Variants in TCERG1 observed in about 807,000 individuals in gnomAD.
TCERG1 encodes TATA box binding protein (TBP)-associated factor, RNA polymerase II, S, 150kD.
Under a neutral mutation model 144.7 loss-of-function variants are expected in TCERG1, and 37 were observed. That is an observed-to-expected ratio of 0.26 (90% CI 0.20 to 0.34). TCERG1 has a LOEUF of 0.34. Among genes scored for constraint, TCERG1 ranks in the 10% least tolerant of loss-of-function variants. The pLI, the probability that TCERG1 is intolerant of heterozygous loss-of-function variation, is 1.00. For missense variants in TCERG1, 1,027 were observed against 1,380.7 expected (o/e 0.74, Z 4.06); for synonymous variants, 492 against 458.2 (o/e 1.07, Z -0.94).
At chr5:146,493,106 TA>T (rs1269294153) in intron 16 of TCERG1, 68 bp downstream of exon 16, 50 of 1,174,974 alleles carry the variant, frequency 4.3e-5, no homozygotes, top group Non-Finnish European at 5.7e-5. Flanking sequence ...TTTTAAAAAT[TA>T]AAAAAATAGA....
At chr5:146,498,383 T>C (rs971892312) in intron 16 of TCERG1, among the ~76,000 whole-genome samples, 153 bp from the exon 17 acceptor site, 1 of 152,138 alleles carries the variant, frequency 6.6e-6, no homozygotes, top group Non-Finnish European at 1.5e-5. Flanking sequence ...CTCTTTTTAC[T>C]CCTTTCTGAA....
At chr5:146,466,161 G>A (rs1279096705) in intron 5 of TCERG1, among the ~76,000 whole-genome samples, 1 of 152,036 alleles carries the variant, frequency 6.6e-6, no homozygotes, top group East Asian at 1.9e-4. Context: ...CAAGGACAAA[G>A]AAGACTTGTT....
In TCERG1 at chr5:146,458,955, A is replaced by G. The variant is rs1763070767; in HGVS notation, c.510A>G (p.Gln170=). The G allele has an allele frequency of 1.2e-6, 2 of 1,614,246 alleles. No homozygotes were observed. The highest frequency in any genetic ancestry group is 8.5e-7 in the Non-Finnish European group (1 of 1,180,040). ...CAGATGGAGTTAAGGTTATTCAGCAATCAGAACTGACACCTATGCTTGCAG... is the reference window on the plus strand; with the variant it reads ...CAGATGGAGTTAAGGTTATTCAGCAGTCAGAACTGACACCTATGCTTGCAG... The part of the protein sequence containing the change: ...TKPDGVKVIQ[Q]SELTPMLAAQ... The change falls in exon 4 of 23, where the codon CAA becomes CAG. Residue 170 remains glutamine (Q), a synonymous_variant. Transcript: ENST00000679501.
chr5:146,510,318 T>TAAAAAAAA, intron 22 of TCERG1, 123 bp from the exon 23 acceptor site: 3 of 550,766 alleles, frequency 5.4e-6, no homozygotes, highest in East Asian at 3.6e-5. Context: ...AAATTTTTCT[T>TAAAAAAAA]AAAAAAAAAA....
intron 8 of TCERG1, among the ~76,000 whole-genome samples, 161 bp from the exon 9 acceptor site, chr5:146,471,327 G>T (rs1581443799): frequency 1.3e-5 from 2 of 152,306 alleles, no homozygotes; most frequent in South Asian, 2.1e-4. Flanking sequence ...AGCTCTTTCT[G>T]GGGGATGAGG....
chr5:146,492,627 T>C (rs1399207594), intron 15 of TCERG1, among the ~76,000 whole-genome samples: 1 of 152,202 alleles, frequency 6.6e-6, no homozygotes, highest in Non-Finnish European at 1.5e-5. Flanking sequence ...TCTTCCGCAT[T>C]TCTAAATTTC....
In TCERG1 at chr5:146,503,825, A is replaced by G. The variant is rs1304719151; in HGVS notation, c.2600A>G (p.Asn867Ser). 1.9e-6 allele frequency: 3 copies of G among 1,586,014 alleles called. No individual in the cohort carries two copies. Among genetic ancestry groups the G allele is most frequent in the Non-Finnish European group, 2.6e-6 (3 of 1,172,658 alleles). The change falls in exon 19 of 23, where the codon AAT becomes AGT. Residue 867 changes from asparagine to serine, a missense_variant and splice_region_variant. Around this residue, in one of 6 missense-constraint regions of TCERG1, gnomAD observed 482 missense variants for 632.6 expected, o/e 0.76. Transcript: ENST00000679501. ...FKQYIEKIAK[N>S]LDSEKEKELE... ...ATAATGTAGTTTTTGCTTTTACAGA[A>G]TTTAGACTCAGAAAAAGAAAAGGAG...
At position 146,498,799 on chromosome 5, in the gene TCERG1, G is replaced by A. The variant is rs1373929632; in HGVS notation, c.2433+113G>A. ...TTGGCATAAATAATAGGACGTACAT[G>A]GACTGTTCTTTTAAGTTAACTTTTA... On this transcript the variant is annotated intron_variant, in intron 17 of 22. Transcript: ENST00000679501. 3 of 1,116,136 alleles carry A rather than the reference G, an allele frequency of 2.7e-6. No individual in the cohort carries two copies. In the African/African-American group the frequency reaches 4.8e-5, roughly 18 times the overall value. The allele number at this position is 1,116,136 out of a possible 1,614,324, so 69.1% of individuals were successfully genotyped here.
At chr5:146,462,005 A>ACC (rs1763373983) in intron 4 of TCERG1, 2 of 152,640 alleles carry the variant, frequency 1.3e-5, no homozygotes, top group African/African-American at 4.8e-5. Flanking sequence ...TTAATATGAT[A>ACC]CTGTACCCTA....
At chr5:146,470,201 C>T (rs1764160059) in intron 7 of TCERG1, among the ~76,000 whole-genome samples, 1 of 152,164 alleles carries the variant, frequency 6.6e-6, no homozygotes, top group Non-Finnish European at 1.5e-5. Flanking sequence ...CAGAGCCTCA[C>T]TGTGTTGCCC....
At chr5:146,466,302 C>G (rs1763785147) in intron 5 of TCERG1, among the ~76,000 whole-genome samples, 1 of 151,990 alleles carries the variant, frequency 6.6e-6, no homozygotes, top group African/African-American at 2.4e-5. Context: ...GGCTTAATTT[C>G]TCTTTGAAAT....
At chr5:146,471,997 A>T (rs1174108441) in intron 9 of TCERG1, among the ~76,000 whole-genome samples, 2 of 152,172 alleles carry the variant, frequency 1.3e-5, no homozygotes, top group African/African-American at 4.8e-5. Context: ...GTTTTTATCT[A>T]CTGAATATTT....
At chr5:146,459,381 A>G in intron 4 of TCERG1, 44 bp downstream of exon 4, 1 of 1,584,212 alleles carries the variant, frequency 6.3e-7, no homozygotes, top group South Asian at 1.2e-5. Context: ...GGCTAGAGAC[A>G]TGAACAAGTA....
intron 16 of TCERG1, 96 bp from the exon 17 acceptor site, chr5:146,498,440 G>A: frequency 7.4e-7 from 1 of 1,347,218 alleles, no homozygotes; most frequent in Non-Finnish European, 1.0e-6. Context: ...GTGTCTCTTT[G>A]TCATATACTC....
At chr5:146,502,085 G>A (rs530044169) in intron 17 of TCERG1, among the ~76,000 whole-genome samples, 1 of 151,824 alleles carries the variant, frequency 6.6e-6, no homozygotes, top group African/African-American at 2.4e-5. Context: ...TAGTAGAAAC[G>A]GGGTTTCACC....
chr5:146,447,650 C>G (rs1761984787), intron 1 of TCERG1, among the ~76,000 whole-genome samples: 1 of 152,252 alleles, frequency 6.6e-6, no homozygotes, highest in Non-Finnish European at 1.5e-5. Flanking sequence ...TGGGGCCTCG[C>G]CGCCTCTCGC....
rs1186658878 is a variant in TCERG1, at chr5:146,507,556, G to A, written c.2962-317G>A. ...GCAGTTTGTACGCTTTGTTATCCAG[G>A]TTTTGTTCCTTTTTATTTGCTCTCT... On this transcript the variant is annotated intron_variant, in intron 20 of 22. Transcript: ENST00000679501. The surrounding 1 kb of genome is among the most constrained non-coding windows in gnomAD (Gnocchi z 4.6). 4 of 324,980 alleles carry A rather than the reference G, an allele frequency of 1.2e-5. No individual in the cohort carries two copies. The highest frequency in any genetic ancestry group is 2.2e-5 in the Non-Finnish European group (4 of 181,000). 20.1% of individuals were successfully genotyped at this position (324,980 alleles called of 1,614,324 possible). A position where few individuals can be genotyped will look rare whatever the true frequency, so the allele number is the denominator to read the frequency against.
chr5:146,487,364 T>C (rs1456433473), intron 15 of TCERG1, among the ~76,000 whole-genome samples: 1 of 152,150 alleles, frequency 6.6e-6, no homozygotes, highest in Non-Finnish European at 1.5e-5. Flanking sequence ...TTAATATTGT[T>C]AAAGTGGCAG....
chr5:146,456,587 T>C (rs1372469732), intron 2 of TCERG1, among the ~76,000 whole-genome samples: 5 of 152,200 alleles, frequency 3.3e-5, no homozygotes, highest in Non-Finnish European at 7.3e-5. Flanking sequence ...CCAGCAAAGA[T>C]TGGAGTATGG....
Sources: allele counts gnomAD v4.1 joint callset (sites outside exome capture counted in the v4.1 genomes callset), GRCh38; gene constraint gnomAD v4.1.1; regional missense constraint gnomAD v4.1.1; non-coding constraint Gnocchi (gnomAD v3.1); transcripts MANE v1.5; gene names NCBI Gene and HGNC (gene_info 2026-07-23, HGNC 2026-07-21).